The following ZSCAN23 variants were observed in gnomAD, a reference collection of about 807,000 sequenced individuals.
The protein encoded by ZSCAN23 is zinc finger and SCAN domain containing 23, also known as zinc finger and SCAN domain-containing protein 23.
A neutral mutation model predicts 19.3 loss-of-function variants in ZSCAN23; 19 were observed. The observed-to-expected ratio is 0.99, with a 90% CI of 0.69 to 1.45. The LOEUF is 1.45. ZSCAN23 is among the 40% of genes most tolerant of loss of function. ZSCAN23 has a pLI of 0.00. For missense variants in ZSCAN23, 372 were observed against 462.5 expected, an observed-to-expected ratio of 0.80 and a Z score of 1.79; for synonymous variants, 140 against 166.2, an observed-to-expected ratio of 0.84 and a Z score of 1.21.
In ZSCAN23 at chr6:28,434,835, T is replaced by C. The variant is rs752493989; in HGVS notation, c.800A>G (p.His267Arg). Residue 267 changes from histidine to arginine, a missense_variant, in exon 4 of 4, where the codon CAC becomes CGC. His to Arg is a conservative substitution (Grantham distance 29). Transcript: ENST00000289788. ...SFTQNSILIE[H>R]QRTHTGEKPY... is the part of the protein sequence containing the mutation. ...CTTCTCACCTGTGTGTGTTCTCTGG[T>C]GCTCGATAAGGATGGAATTCTGGGT... 77 of 1,590,646 alleles carry C rather than the reference T, an allele frequency of 4.8e-5. 1 individual carries two copies. The highest frequency in any genetic ancestry group is 3.6e-4 in the South Asian group (32 of 87,988).
At chr6:28,425,853 G>A in the ZSCAN23 span, among the ~76,000 whole-genome samples, 31 of 152,132 alleles carry the variant, frequency 2.0e-4, no homozygotes, top group African/African-American at 7.5e-4. Flanking sequence ...ATCTTAGCTA[G>A]GTTTTCTGAA....
At chr6:28,430,098 G>GAGGCCGACAGGGGTCGTA (rs1761731454), downstream of ZSCAN23, among the ~76,000 whole-genome samples, 1 of 152,196 alleles carries the variant, frequency 6.6e-6, no homozygotes, top group Admixed American at 6.5e-5. Flanking sequence ...AGTCTGGGCT[G>GAGGCCGACAGGGGTCGTA]ACTTCTCTCT....
In ZSCAN23 at chr6:28,437,561, C is replaced by T. The variant is rs575910167; in HGVS notation, c.-77-1218G>A. On this transcript the variant is annotated intron_variant, in intron 1 of 3. Transcript: ENST00000289788. The stretch of plus-strand genomic sequence containing the variant: ...TCACACTACTGCACTCTAGCCTGGG[C>T]GACAGAGCAAGACTCTGTCTCAAAA... Among the ~76,000 whole-genome samples the T allele has an allele frequency of 1.2e-3, 190 of 152,040 alleles. 2 individuals are homozygous for T. In the Middle Eastern group the frequency reaches 0.014, roughly 11 times the overall value.
chr6:28,427,156 C>G (rs969723566), downstream of ZSCAN23, among the ~76,000 whole-genome samples: 2 of 152,212 alleles, frequency 1.3e-5, no homozygotes, highest in African/African-American at 4.8e-5. Flanking sequence ...TCTGACTTAT[C>G]AGTCCCAAGT....
rs558326852 is a variant in ZSCAN23 at position 28,435,803 on chromosome 6, C to T, written c.408+56G>A. 4.0e-6 allele frequency: 6 copies of T among 1,490,116 alleles called. No individual in the cohort carries two copies. The East Asian group carries it at 9.4e-5, about 23-fold the overall frequency. The allele number at this position is 1,490,116 out of a possible 1,614,324, so 92.3% of individuals were successfully genotyped here. A position where few individuals can be genotyped will look rare whatever the true frequency, so the allele number is the denominator to read the frequency against. On this transcript the variant is annotated intron_variant, in intron 2 of 3. Transcript: ENST00000289788. Reference sequence around the variant, plus strand: ...TCCTCCTCTACCTTTTCTTGTTGCACTGAAACCCCATACTTGTTCTTATAG... The same window carrying T: ...TCCTCCTCTACCTTTTCTTGTTGCATTGAAACCCCATACTTGTTCTTATAG...
chr6:28,439,691 A>C (rs1761964570), intron 1 of ZSCAN23, among the ~76,000 whole-genome samples: 1 of 152,174 alleles, frequency 6.6e-6, no homozygotes, highest in Non-Finnish European at 1.5e-5. Flanking sequence ...ATATTAACCC[A>C]TTTAATCCTC....
At chr6:28,435,356 T>C (rs767709988) in intron 3 of ZSCAN23, 104 bp downstream of exon 3, 15 of 1,407,996 alleles carry the variant, frequency 1.1e-5, no homozygotes, top group Admixed American at 2.4e-5. Context: ...GTATCCCTGG[T>C]ACCTGGCACA....
intron 3 of ZSCAN23, 24 bp from the exon 4 acceptor site, chr6:28,435,102 A>T: frequency 6.7e-7 from 1 of 1,495,814 alleles, no homozygotes; most frequent in Non-Finnish European, 8.9e-7. Context: ...AACATGAAAG[A>T]TAACATGAAG....
At chr6:28,429,320 T>A (rs1317992979), downstream of ZSCAN23, among the ~76,000 whole-genome samples, 1 of 152,232 alleles carries the variant, frequency 6.6e-6, no homozygotes, top group Non-Finnish European at 1.5e-5. Flanking sequence ...AAATGCTTGC[T>A]TGAATGTTCT....
chr6:28,435,805 G>T, intron 2 of ZSCAN23, 54 bp downstream of exon 2: 1 of 1,491,878 alleles, frequency 6.7e-7, no homozygotes, highest in Non-Finnish European at 8.9e-7. Flanking sequence ...TTGTTGCACT[G>T]AAACCCCATA....
Position 28,435,562 on chromosome 6 carries a change from C to T in ZSCAN23, c.454G>A (p.Ala152Thr). 1 of 1,551,714 alleles carries T rather than the reference C, an allele frequency of 6.4e-7. No homozygotes were observed. Among genetic ancestry groups the T allele is most frequent in the Non-Finnish European group, 8.7e-7 (1 of 1,147,004 alleles). ...HEQEEFVKEK[A>T]TPGAAQESSN... is the part of the protein sequence containing the mutation. ...GACTCCTGAGCTGCTCCTGGAGTTG[C>T]CTTCTCCTTTACAAACTCTTCCTGT... Residue 152 changes from alanine (A) to threonine (T), a missense_variant, in exon 3 of 4, where the codon GCA becomes ACA. Ala to Thr is a moderately conservative substitution (Grantham distance 58). Transcript: ENST00000289788.
chr6:28,436,192 C>A lies in ZSCAN23; in HGVS notation c.75G>T (p.Glu25Asp). The change falls in exon 2 of 4, where the codon GAG (glutamate) becomes GAT (aspartate). Residue 25 changes from glutamate to aspartate, a missense_variant. Physicochemically the swap from Glu to Asp is conservative, Grantham distance 45. Transcript: ENST00000289788. The stretch of plus-strand genomic sequence containing the variant: ...ATTCTGGCCCACAGGAATGTTCCTC[C>A]TCTTCCTCCTTTACCTTCACTGCCA... Reference protein sequence around the residue: ...GLLAVKVKEEEEEHSCGPESG... With the variant: ...GLLAVKVKEEDEEHSCGPESG... 1 of 1,555,168 alleles carries A rather than the reference C, an allele frequency of 6.4e-7. No individual in the cohort carries two copies.
downstream of ZSCAN23, among the ~76,000 whole-genome samples, chr6:28,430,137 G>A (rs970904903): frequency 1.6e-4 from 20 of 127,172 alleles, no homozygotes; most frequent in African/African-American, 6.0e-4. Context: ...TTGACTGCTC[G>A]CACTGGATCC....
chr6:28,424,609 C>T, the ZSCAN23 span, among the ~76,000 whole-genome samples: 1 of 152,218 alleles, frequency 6.6e-6, no homozygotes, highest in African/African-American at 2.4e-5. Context: ...GTTATTTCAA[C>T]AATTTCACAG....
chr6:28,441,835 G>C (rs1006310534), intron 1 of ZSCAN23, among the ~76,000 whole-genome samples: 2 of 149,948 alleles, frequency 1.3e-5, no homozygotes, highest in African/African-American at 2.5e-5. Context: ...GCAGAAGGTA[G>C]TATGAGATAG....
At chr6:28,441,768 A>G (rs1238549302) in intron 1 of ZSCAN23, among the ~76,000 whole-genome samples, 1 of 151,964 alleles carries the variant, frequency 6.6e-6, no homozygotes, top group Non-Finnish European at 1.5e-5. Context: ...ACACATGTAT[A>G]CACATGTGCA....
intron 1 of ZSCAN23, among the ~76,000 whole-genome samples, chr6:28,438,386 C>T (rs1325085421): frequency 1.3e-5 from 2 of 152,094 alleles, no homozygotes; most frequent in South Asian, 2.1e-4. Flanking sequence ...CATTAGCCAC[C>T]GCGCCCAGCA....
chr6:28,435,732 G>C, intron 2 of ZSCAN23, 125 bp from the exon 3 acceptor site: 1 of 1,422,290 alleles, frequency 7.0e-7, no homozygotes, highest in South Asian at 1.5e-5. Context: ...GAGGCAGAGA[G>C]ACTAAAAGCC....
chr6:28,437,904 A>G (rs776883264), intron 1 of ZSCAN23, among the ~76,000 whole-genome samples: 1 of 152,056 alleles, frequency 6.6e-6, no homozygotes, highest in African/African-American at 2.4e-5. Context: ...ATTTCATTAA[A>G]AGACAAAACA....
Sources: allele counts gnomAD v4.1 joint callset (sites outside exome capture counted in the v4.1 genomes callset), GRCh38; gene constraint gnomAD v4.1.1; transcripts MANE v1.5; gene names NCBI Gene and HGNC (gene_info 2026-07-23, HGNC 2026-07-21).